EEFSEC: variants seen among roughly 807,000 people sequenced by gnomAD.
EEFSEC encodes the protein eukaryotic elongation factor, selenocysteine-tRNA specific, also known as selenocysteine-specific elongation factor.
A neutral mutation model predicts 42.1 loss-of-function variants in EEFSEC; 43 were observed. That is an observed-to-expected ratio of 1.02 (90% CI 0.80 to 1.32). EEFSEC has a LOEUF of 1.32. Ranked by LOEUF, EEFSEC falls within the 40% of genes most tolerant of loss-of-function variation. EEFSEC has a pLI of 0.00. For missense variants in EEFSEC, 745 were observed against 803.6 expected (o/e 0.93, Z 0.88); for synonymous variants, 354 against 339.1 (o/e 1.04, Z -0.48).
In EEFSEC at chr3:128,358,497, G is replaced by A. The variant is rs2067486153; in HGVS notation, c.1600+124G>A. On this transcript the variant is annotated intron_variant, in intron 6 of 6. Transcript: ENST00000254730. Reference sequence around the variant, plus strand: ...AATCCTGCCTTTGCCGAGACACGGGGTGACTTGGCCTGCCTGGCAGCATGG... The same window carrying A: ...AATCCTGCCTTTGCCGAGACACGGGATGACTTGGCCTGCCTGGCAGCATGG... The A allele has an allele frequency of 3.6e-6, 5 of 1,408,428 alleles. No homozygotes were observed. The African/African-American group carries it at 4.3e-5, about 12-fold the overall frequency. 87.2% of individuals were successfully genotyped at this position (1,408,428 alleles called of 1,614,324 possible).
chr3:128,388,590 C>T (rs145894528), intron 6 of EEFSEC, among the ~76,000 whole-genome samples: 46 of 152,358 alleles, frequency 3.0e-4, no homozygotes, highest in Admixed American at 2.6e-4. Context: ...TGGCCTGGCC[C>T]GAGCCTCCTG....
intron 6 of EEFSEC, among the ~76,000 whole-genome samples, chr3:128,389,018 G>T (rs565766262): frequency 6.6e-6 from 1 of 152,306 alleles, no homozygotes; most frequent in South Asian, 2.1e-4. Context: ...AGTCAGCTGG[G>T]GCCACCACCT....
At chr3:128,226,143 G>T (rs1174716358) in intron 1 of EEFSEC, among the ~76,000 whole-genome samples, 2 of 152,146 alleles carry the variant, frequency 1.3e-5, no homozygotes, top group African/African-American at 4.8e-5. Context: ...TAGAGTGACT[G>T]GGAGTAAACA....
At chr3:128,153,849 G>C in intron 1 of EEFSEC, 26 bp downstream of exon 1, 1 of 1,482,688 alleles carries the variant, frequency 6.7e-7, no homozygotes, top group Non-Finnish European at 8.9e-7. Context: ...GGCGGGAGCC[G>C]GGCTCAGGGA....
intron 1 of EEFSEC, among the ~76,000 whole-genome samples, chr3:128,231,856 C>G (rs1559878839): frequency 1.3e-5 from 2 of 152,214 alleles, no homozygotes; most frequent in Non-Finnish European, 2.9e-5. Context: ...CCCCGACTCC[C>G]CCAGCTGAGA....
chr3:128,271,416 TC>T (rs1318101803), intron 4 of EEFSEC, among the ~76,000 whole-genome samples: 4 of 152,244 alleles, frequency 2.6e-5, no homozygotes, highest in African/African-American at 9.6e-5. Flanking sequence ...TATTTTCTGT[TC>T]CAGAAGATAC....
In EEFSEC at chr3:128,408,303, C is replaced by T. The variant is rs1304534173; in HGVS notation, c.*44C>T. The T allele has an allele frequency of 6.7e-7, 1 of 1,497,330 alleles. No homozygotes were observed. The allele number at this position is 1,497,330 out of a possible 1,614,324, so 92.8% of individuals were successfully genotyped here. On this transcript the variant is annotated 3_prime_UTR_variant, in exon 7 of 7. Coordinates refer to ENST00000254730, the MANE Select transcript of EEFSEC (RefSeq NM_021937.5). ...CAGGGCCTCCTTGCCCAGCCCAGTC[C>T]AGGCTGCTGTGCCAAATCCCAACCA...
At chr3:128,363,364 G>C (rs1013145164) in intron 6 of EEFSEC, among the ~76,000 whole-genome samples, 1 of 152,192 alleles carries the variant, frequency 6.6e-6, no homozygotes, top group Non-Finnish European at 1.5e-5. Context: ...CCTGAGATTC[G>C]AACCCAGAGC....
intron 1 of EEFSEC, among the ~76,000 whole-genome samples, chr3:128,208,102 A>T (rs1309353334): frequency 6.6e-6 from 1 of 152,196 alleles, no homozygotes; most frequent in Non-Finnish European, 1.5e-5. Context: ...AACTACAGGA[A>T]GTTGGATTTT....
intron 6 of EEFSEC, among the ~76,000 whole-genome samples, chr3:128,360,753 A>T (rs920937868): frequency 6.6e-6 from 1 of 151,686 alleles, no homozygotes; most frequent in African/African-American, 2.4e-5. Flanking sequence ...GAGGAGGGGT[A>T]TAGGGACACT....
chr3:128,181,876 C>T (rs1323973790), intron 1 of EEFSEC, among the ~76,000 whole-genome samples: 9 of 152,184 alleles, frequency 5.9e-5, no homozygotes, highest in Non-Finnish European at 4.4e-5. Context: ...TGCAATGGCA[C>T]GATCTCAGCT....
At chr3:128,397,298 G>A (rs897736216) in intron 6 of EEFSEC, among the ~76,000 whole-genome samples, 29 of 152,380 alleles carry the variant, frequency 1.9e-4, no homozygotes, top group African/African-American at 7.0e-4. Flanking sequence ...CCGTGGCAGG[G>A]TGGACAGCTT....
chr3:128,363,141 G>T (rs561141984), intron 6 of EEFSEC, among the ~76,000 whole-genome samples: 81 of 152,342 alleles, frequency 5.3e-4, no homozygotes, highest in African/African-American at 1.9e-3. Context: ...CAGCTGAGGA[G>T]ACTGGGGCTG....
chr3:128,287,300 A>T (rs1237082948), intron 4 of EEFSEC, among the ~76,000 whole-genome samples: 1 of 152,094 alleles, frequency 6.6e-6, no homozygotes, highest in Non-Finnish European at 1.5e-5. Flanking sequence ...CCAAGGGGGC[A>T]GGCGGGCTTG....
chr3:128,262,348 C>T (rs1196344320), intron 3 of EEFSEC, 124 bp downstream of exon 3: 7 of 787,392 alleles, frequency 8.9e-6, no homozygotes, highest in Non-Finnish European at 1.2e-5. Context: ...CAGTTGGTTC[C>T]ATTAACCTCC....
At chr3:128,330,619 G>A (rs1443815343) in intron 4 of EEFSEC, among the ~76,000 whole-genome samples, 1 of 152,070 alleles carries the variant, frequency 6.6e-6, no homozygotes, top group African/African-American at 2.4e-5. Context: ...GCTGGGCAGG[G>A]CAGCAGTGTT....
chr3:128,160,833 A>G (rs72985507), intron 1 of EEFSEC, among the ~76,000 whole-genome samples: 1 of 152,080 alleles, frequency 6.6e-6, no homozygotes, highest in Non-Finnish European at 1.5e-5. Flanking sequence ...CACGAATCCT[A>G]TCTTAACTTA....
chr3:128,206,809 G>A (rs1270828167), intron 1 of EEFSEC, among the ~76,000 whole-genome samples: 1 of 152,204 alleles, frequency 6.6e-6, no homozygotes, highest in Non-Finnish European at 1.5e-5. Context: ...GAGCTGGGTT[G>A]GGGACTTCAC....
At chr3:128,269,016 C>T (rs897504902) in intron 4 of EEFSEC, among the ~76,000 whole-genome samples, 10 of 152,204 alleles carry the variant, frequency 6.6e-5, no homozygotes, top group Non-Finnish European at 1.3e-4. Context: ...TTGGCTTCCT[C>T]GCAGGGAGTC....
Sources: gnomAD v4.1 joint callset for allele counts (sites outside exome capture counted in the v4.1 genomes callset) on GRCh38, gnomAD v4.1.1 for gene constraint, MANE v1.5 for transcripts, NCBI Gene and HGNC (gene_info 2026-07-23, HGNC 2026-07-21) for gene names.